Variants in HTR2C observed in about 807,000 individuals in gnomAD.
The protein encoded by HTR2C is 5-hydroxytryptamine receptor 2C.
HTR2C carries 5 observed loss-of-function variants against 21.0 expected under a neutral mutation model. That is an observed-to-expected ratio of 0.24 (90% CI 0.12 to 0.50). The LOEUF (loss-of-function observed/expected upper bound fraction) is 0.50. HTR2C is among the 20% of genes least tolerant of loss of function. The probability of loss-of-function intolerance (pLI) is 0.98; values close to 1 mark genes in which losing one functional copy is unlikely to be tolerated. For synonymous variants in HTR2C, 150 were observed against 145.3 expected (o/e 1.03, Z -0.23); for missense variants, 271 against 371.2 (o/e 0.73, Z 2.22).
intron 4 of HTR2C, among the ~76,000 whole-genome samples, chrX:114,821,392 G>A (rs782549501): frequency 2.1e-4 from 23 of 111,232 alleles, no homozygotes; most frequent in Non-Finnish European, 4.1e-4. Context: ...GTTCATACTA[G>A]TATCTGTAGC....
At chrX:114,816,109 A>G (rs782164304) in intron 4 of HTR2C, among the ~76,000 whole-genome samples, 1 of 111,182 alleles carries the variant, frequency 9.0e-6, no homozygotes, top group East Asian at 2.8e-4. Flanking sequence ...ACAATGATGT[A>G]CTGAAATTTG....
intron 4 of HTR2C, among the ~76,000 whole-genome samples, chrX:114,799,617 A>G (rs1307930556): frequency 4.5e-5 from 5 of 111,212 alleles, no homozygotes; most frequent in African/African-American, 1.6e-4. Context: ...ATAATTCATT[A>G]ACTAAAAAGG....
rs782220623 is a variant in HTR2C, at chrX:114,860,695, C to A, written c.550+12492C>A. Among the ~76,000 whole-genome samples, 66 of 110,438 alleles carry A rather than the reference C, an allele frequency of 6.0e-4. 1 individual carries two copies. The highest frequency in any genetic ancestry group is 2.1e-3 in the African/African-American group (64 of 30,490). ...GGTAAATTTGATGTAAGATAACCTG[C>A]ACTTTTTAAAATGTATAATTTGACA... On this transcript the variant is annotated intron_variant, in intron 5 of 5. Transcript: ENST00000276198.
chrX:114,719,321 T>A (rs1933109119), intron 2 of HTR2C, among the ~76,000 whole-genome samples: 1 of 110,800 alleles, frequency 9.0e-6, no homozygotes, highest in African/African-American at 3.3e-5. Context: ...GTTGTTTCGC[T>A]ATGTTTTTCA....
chrX:114,656,770 T>C (rs1930797370), intron 2 of HTR2C, among the ~76,000 whole-genome samples: 1 of 111,118 alleles, frequency 9.0e-6, no homozygotes. Flanking sequence ...TGAATGAATT[T>C]TTCTGAAATC....
At chrX:114,703,585 C>T (rs1199675018) in intron 2 of HTR2C, among the ~76,000 whole-genome samples, 1 of 111,864 alleles carries the variant, frequency 8.9e-6, no homozygotes, top group Non-Finnish European at 1.9e-5. Flanking sequence ...ATTTATAGCA[C>T]TAAATGCCCA....
intron 4 of HTR2C, among the ~76,000 whole-genome samples, chrX:114,831,651 T>A (rs868959168): frequency 9.3e-6 from 1 of 107,969 alleles, no homozygotes; most frequent in Non-Finnish European, 1.9e-5. Flanking sequence ...TGCAGGTTGC[T>A]TGTTCACTCT....
At chrX:114,894,196 A>AC (rs1363559581) in intron 5 of HTR2C, among the ~76,000 whole-genome samples, 1 of 105,076 alleles carries the variant, frequency 9.5e-6, no homozygotes, top group African/African-American at 4.1e-5. Context: ...GTCTACACAC[A>AC]AAAAAAATCT....
intron 4 of HTR2C, among the ~76,000 whole-genome samples, chrX:114,796,132 A>G (rs1181445478): frequency 1.2e-4 from 13 of 111,610 alleles, no homozygotes; most frequent in African/African-American, 3.2e-5. Flanking sequence ...GGAATGGCCT[A>G]AGTAGCTGCA....
chrX:114,703,439 A>G (rs1226209426), intron 2 of HTR2C, among the ~76,000 whole-genome samples: 1 of 111,391 alleles, frequency 9.0e-6, no homozygotes, highest in African/African-American at 3.3e-5. Context: ...TGGAAACTGA[A>G]CAACCTGCTC....
intron 5 of HTR2C, among the ~76,000 whole-genome samples, chrX:114,888,193 A>G (rs1556482067): frequency 9.0e-6 from 1 of 110,965 alleles, no homozygotes; most frequent in East Asian, 2.8e-4. Flanking sequence ...TGACTTTCCT[A>G]GATATGTAGA....
At chrX:114,836,974 G>A (rs1569498569) in intron 4 of HTR2C, among the ~76,000 whole-genome samples, 1 of 111,698 alleles carries the variant, frequency 9.0e-6, no homozygotes, top group Non-Finnish European at 1.9e-5. Context: ...CACAATGGAT[G>A]TTGTGATGGT....
At chrX:114,750,547 T>A (rs1472210791) in intron 4 of HTR2C, among the ~76,000 whole-genome samples, 3 of 112,394 alleles carry the variant, frequency 2.7e-5, no homozygotes, top group Non-Finnish European at 5.6e-5. Flanking sequence ...CAGTTGTTAT[T>A]CCTTACGTGC....
intron 5 of HTR2C, among the ~76,000 whole-genome samples, chrX:114,884,447 C>T (rs1185208487): frequency 9.0e-6 from 1 of 111,006 alleles, no homozygotes; most frequent in Non-Finnish European, 1.9e-5. Context: ...GGAACTCAAA[C>T]AATTCAATGG....
At chrX:114,788,586 T>A (rs893729148) in intron 4 of HTR2C, among the ~76,000 whole-genome samples, 2 of 110,494 alleles carry the variant, frequency 1.8e-5, no homozygotes, top group African/African-American at 6.6e-5. Flanking sequence ...TCTAATAACA[T>A]TTTTACCCTT....
chrX:114,589,830 G>A, intron 1 of HTR2C: 1 of 322,451 alleles, frequency 3.1e-6, no homozygotes, highest in Admixed American at 3.4e-5. Flanking sequence ...AGGCTTGAGT[G>A]CACTGATCCC....
intron 2 of HTR2C, among the ~76,000 whole-genome samples, chrX:114,724,502 T>G (rs2147337011): frequency 1.1e-5 from 1 of 87,253 alleles, no homozygotes; most frequent in East Asian, 4.2e-4. Flanking sequence ...ATTGGAGCAT[T>G]TAGTCCATTT....
chrX:114,809,517 G>A (rs782029975), intron 4 of HTR2C, among the ~76,000 whole-genome samples: 6 of 108,733 alleles, frequency 5.5e-5, no homozygotes, highest in East Asian at 2.9e-4. Flanking sequence ...CCGAGTAGCC[G>A]GGCTTACAGG....
At chrX:114,864,172 CTTGT>C (rs2071027381) in intron 5 of HTR2C, among the ~76,000 whole-genome samples, 1 of 98,616 alleles carries the variant, frequency 1.0e-5, no homozygotes. Context: ...CTGCCATTTT[CTTGT>C]TTGTTTTCTG....
Sources: allele counts gnomAD v4.1 joint callset (sites outside exome capture counted in the v4.1 genomes callset), GRCh38; gene constraint gnomAD v4.1.1; transcripts MANE v1.5; gene names NCBI Gene and HGNC (gene_info 2026-07-23, HGNC 2026-07-21).